The following SYT1 variants were observed in gnomAD, a reference collection of about 807,000 sequenced individuals.
SYT1 encodes synaptotagmin 1.
SYT1 carries 8 observed loss-of-function variants against 44.8 expected under a neutral mutation model. That is an observed-to-expected ratio of 0.18 (90% confidence interval 0.10 to 0.32). SYT1 has a LOEUF of 0.32. Among genes scored for constraint, SYT1 ranks in the 10% least tolerant of loss-of-function variants. The probability of loss-of-function intolerance (pLI) is 1.00; values close to 1 mark genes in which losing one functional copy is unlikely to be tolerated. For missense variants in SYT1, 286 were observed against 509.3 expected, an observed-to-expected ratio of 0.56 and a Z score of 4.22; for synonymous variants, 154 against 188.8, an observed-to-expected ratio of 0.82 and a Z score of 1.51.
At chr12:78,945,069 C>T (rs1402077366) in intron 1 of SYT1, among the ~76,000 whole-genome samples, 2 of 152,158 alleles carry the variant, frequency 1.3e-5, no homozygotes, top group Admixed American at 1.3e-4. Flanking sequence ...ATCACCACCA[C>T]ATCAGTTTGC....
chr12:79,111,306 A>T lies in SYT1; in HGVS notation c.-18+63944A>T, dbSNP rs550401503. On this transcript the variant is annotated intron_variant, in intron 3 of 10. Coordinates refer to ENST00000261205, the MANE Select transcript of SYT1 (RefSeq NM_005639.3). Reference sequence around the variant, plus strand: ...CCACCTCCCAACTCTAGAATTTCCCACCAGTTTTTCTCCTGCCTTACGTAG... The same window carrying T: ...CCACCTCCCAACTCTAGAATTTCCCTCCAGTTTTTCTCCTGCCTTACGTAG... Among the ~76,000 whole-genome samples the T allele has an allele frequency of 1.8e-4, 27 of 152,124 alleles. No homozygotes were observed. The South Asian group carries it at 5.4e-3, about 30-fold the overall frequency.
At chr12:79,166,438 C>G (rs537953579) in intron 3 of SYT1, among the ~76,000 whole-genome samples, 2 of 151,910 alleles carry the variant, frequency 1.3e-5, no homozygotes, top group African/African-American at 2.4e-5. Context: ...AGCCCAAGCT[C>G]TAAACTGATA....
At chr12:78,995,383 C>T (rs61928970) in intron 2 of SYT1, among the ~76,000 whole-genome samples, 7,893 of 152,226 alleles carry the variant, frequency 0.052, 231 homozygotes, top group Admixed American at 0.088. Flanking sequence ...GCTCAGATCT[C>T]AATAGGGGTG....
intron 4 of SYT1, among the ~76,000 whole-genome samples, chr12:79,271,031 G>A (rs755592517): frequency 6.6e-6 from 1 of 152,208 alleles, no homozygotes; most frequent in African/African-American, 2.4e-5. Flanking sequence ...CAGTAGGTGT[G>A]AGATTCAATG....
chr12:79,339,548 C>T (rs1410662611), intron 8 of SYT1, among the ~76,000 whole-genome samples: 1 of 150,068 alleles, frequency 6.7e-6, no homozygotes, highest in Non-Finnish European at 1.5e-5. Context: ...TGTTTAAGTT[C>T]TTTGTAGATT....
intron 1 of SYT1, among the ~76,000 whole-genome samples, chr12:78,900,129 A>C (rs1780972500): frequency 6.6e-6 from 1 of 152,108 alleles, no homozygotes; most frequent in Non-Finnish European, 1.5e-5. Context: ...AGGCTGAGGT[A>C]ATGATAATTA....
chr12:79,272,402 G>A (rs1031002057), intron 4 of SYT1, among the ~76,000 whole-genome samples: 3 of 152,124 alleles, frequency 2.0e-5, no homozygotes, highest in African/African-American at 7.2e-5. Context: ...GATAATATCA[G>A]GTCTACACCT....
At chr12:79,197,985 A>G (rs1168905017) in intron 3 of SYT1, among the ~76,000 whole-genome samples, 2 of 152,172 alleles carry the variant, frequency 1.3e-5, no homozygotes, top group Non-Finnish European at 2.9e-5. Flanking sequence ...AGATAATACT[A>G]ATAGAGAAAA....
intron 9 of SYT1, among the ~76,000 whole-genome samples, chr12:79,395,376 G>A (rs1168795469): frequency 1.1e-4 from 16 of 151,988 alleles, no homozygotes; most frequent in African/African-American, 2.9e-4. Context: ...CCACGACCAC[G>A]CCCAGCTAAT....
intron 4 of SYT1, among the ~76,000 whole-genome samples, chr12:79,265,132 AT>A (rs1340573203): frequency 4.6e-5 from 7 of 152,266 alleles, no homozygotes; most frequent in African/African-American, 1.7e-4. Flanking sequence ...AATAACTGGC[AT>A]TTTTAAACTC....
intron 4 of SYT1, among the ~76,000 whole-genome samples, chr12:79,242,662 C>G (rs777633322): frequency 2.6e-5 from 4 of 152,204 alleles, no homozygotes; most frequent in Non-Finnish European, 5.9e-5. Context: ...GATTATTCAA[C>G]TGCCAAGTAG....
intron 3 of SYT1, among the ~76,000 whole-genome samples, chr12:79,127,048 A>T (rs1326917491): frequency 6.6e-6 from 1 of 152,190 alleles, no homozygotes; most frequent in East Asian, 1.9e-4. Context: ...CTATTGTCTC[A>T]CACTGTTAAA....
chr12:78,866,783 G>T (rs937475911), intron 1 of SYT1, among the ~76,000 whole-genome samples: 12 of 151,538 alleles, frequency 7.9e-5, no homozygotes, highest in African/African-American at 2.9e-4. Flanking sequence ...ACTTTTTTTT[G>T]TCTAGAACTC....
At chr12:78,881,747 G>C (rs764007452) in intron 1 of SYT1, among the ~76,000 whole-genome samples, 1 of 151,048 alleles carries the variant, frequency 6.6e-6, no homozygotes, top group Non-Finnish European at 1.5e-5. Context: ...GATGAGGAGA[G>C]GACAGAGGAA....
In SYT1 at chr12:79,130,201, C is replaced by A. The variant is rs568966212; in HGVS notation, c.-18+82839C>A. On this transcript the variant is annotated intron_variant, in intron 3 of 10. Coordinates refer to ENST00000261205, the MANE Select transcript of SYT1 (RefSeq NM_005639.3). Reference sequence around the variant, plus strand: ...AGTGTTTTTTCACAGTGAGCTGTAACTGAGTGATTATATATGTATTCATAT... The same window carrying A: ...AGTGTTTTTTCACAGTGAGCTGTAAATGAGTGATTATATATGTATTCATAT... 2.7e-4 allele frequency among the ~76,000 whole-genome samples: 41 copies of A among 152,216 alleles called. 2 individuals carry two copies. In the South Asian group the frequency reaches 8.3e-3, roughly 31 times the overall value.
At chr12:79,124,020 T>C (rs1868330387) in intron 3 of SYT1, among the ~76,000 whole-genome samples, 1 of 152,236 alleles carries the variant, frequency 6.6e-6, no homozygotes, top group African/African-American at 2.4e-5. Context: ...CGCCAGGCAC[T>C]GTGACAAAAA....
At chr12:79,377,676 C>A (rs1408314309) in intron 9 of SYT1, among the ~76,000 whole-genome samples, 1 of 152,200 alleles carries the variant, frequency 6.6e-6, no homozygotes, top group African/African-American at 2.4e-5. Flanking sequence ...TCAGGCTTTG[C>A]CCATATTGTC....
chr12:78,901,785 A>G (rs1487208418), intron 1 of SYT1, among the ~76,000 whole-genome samples: 1 of 152,142 alleles, frequency 6.6e-6, no homozygotes, highest in Non-Finnish European at 1.5e-5. Context: ...ACTCCATCAT[A>G]CATGCTTGAA....
At chr12:79,178,635 G>A (rs1872053936) in intron 3 of SYT1, among the ~76,000 whole-genome samples, 1 of 151,600 alleles carries the variant, frequency 6.6e-6, no homozygotes, top group African/African-American at 2.4e-5. Context: ...GGTGGACAGG[G>A]CTATATTTTT....
Sources: gnomAD v4.1 joint callset for allele counts (sites outside exome capture counted in the v4.1 genomes callset) on GRCh38, gnomAD v4.1.1 for gene constraint, MANE v1.5 for transcripts, NCBI Gene and HGNC (gene_info 2026-07-23, HGNC 2026-07-21) for gene names.